Variants in CPNE8 observed in about 807,000 individuals in gnomAD.
CPNE8 encodes the protein copine 8, also known as copine-8.
A neutral mutation model predicts 81.5 loss-of-function variants in CPNE8; 45 were observed. The ratio of observed to expected loss-of-function variants is 0.55; its 90% CI spans 0.44 to 0.71. The LOEUF (loss-of-function observed/expected upper bound fraction) is 0.71, where lower values mean the gene tolerates loss of function less well. Ranked by LOEUF, CPNE8 falls within the 30% of genes least tolerant of loss-of-function variation. CPNE8 has a pLI of 0.00. For synonymous variants in CPNE8, 252 were observed against 226.3 expected (o/e 1.11, Z -1.02); for missense variants, 594 against 672.1 (o/e 0.88, Z 1.28).
chr12:38,763,450 G>A (rs896086560), intron 8 of CPNE8, among the ~76,000 whole-genome samples: 2 of 152,144 alleles, frequency 1.3e-5, no homozygotes, highest in African/African-American at 4.8e-5. Context: ...AGCCCCAAGG[G>A]CCCATTTAAG....
Position 38,670,720 on chromosome 12 carries a change from A to G in CPNE8, c.1506+9T>C, listed in dbSNP as rs754254111. 7 of 1,587,110 alleles carry G rather than the reference A, an allele frequency of 4.4e-6. No homozygotes were observed. Among genetic ancestry groups the G allele is most frequent in the African/African-American group, 1.3e-5 (1 of 74,196 alleles). ...GCAATAGTAAAGTAGGAAAAGGTTT[A>G]TTTCTTACCTGCACAATGTCTCTTT... On this transcript the variant is annotated intron_variant, in intron 19 of 19. Transcript: ENST00000331366.
At chr12:38,750,375 C>T (rs765627585) in intron 10 of CPNE8, among the ~76,000 whole-genome samples, 1 of 152,138 alleles carries the variant, frequency 6.6e-6, no homozygotes, top group Non-Finnish European at 1.5e-5. Context: ...CTCCAGACCC[C>T]AGAATGGTAG....
At chr12:38,826,037 G>A (rs1175685074) in intron 6 of CPNE8, among the ~76,000 whole-genome samples, 1 of 151,960 alleles carries the variant, frequency 6.6e-6, no homozygotes, top group African/African-American at 2.4e-5. Flanking sequence ...AATTCCTAAG[G>A]TTTTGTTTCT....
chr12:38,900,567 A>C (rs1305479183), intron 1 of CPNE8, among the ~76,000 whole-genome samples: 1 of 152,196 alleles, frequency 6.6e-6, no homozygotes, highest in African/African-American at 2.4e-5. Context: ...TTTGGGACTA[A>C]TCCAGTTTAG....
chr12:38,739,047 A>C (rs1242494046), intron 10 of CPNE8, among the ~76,000 whole-genome samples: 2 of 152,104 alleles, frequency 1.3e-5, no homozygotes, highest in Non-Finnish European at 2.9e-5. Context: ...TCCTAGGCTC[A>C]AGAGATCGCC....
intron 6 of CPNE8, among the ~76,000 whole-genome samples, chr12:38,779,710 G>C (rs867650878): frequency 3.9e-5 from 6 of 151,998 alleles, no homozygotes; most frequent in Middle Eastern, 3.2e-3. Context: ...AGTTTTAAAA[G>C]TAAATGTGAA....
intron 13 of CPNE8, among the ~76,000 whole-genome samples, chr12:38,722,674 A>G: frequency 6.6e-6 from 1 of 152,236 alleles, no homozygotes; most frequent in South Asian, 2.1e-4. Flanking sequence ...TTGAAAATAC[A>G]AGGTGAAGGA....
At chr12:38,798,248 C>T (rs895382009) in intron 6 of CPNE8, among the ~76,000 whole-genome samples, 42 of 152,020 alleles carry the variant, frequency 2.8e-4, no homozygotes, top group Non-Finnish European at 5.1e-4. Context: ...ACATAATTGT[C>T]GGATTCACCA....
At chr12:38,834,392 A>T (rs1943348180) in intron 5 of CPNE8, among the ~76,000 whole-genome samples, 1 of 151,998 alleles carries the variant, frequency 6.6e-6, no homozygotes. Flanking sequence ...CCTTCTCCCC[A>T]ATGTACCTCA....
chr12:38,881,333 C>A (rs1944155464), intron 1 of CPNE8, among the ~76,000 whole-genome samples: 1 of 152,096 alleles, frequency 6.6e-6, no homozygotes, highest in South Asian at 2.1e-4. Context: ...ACAAGATTAT[C>A]TGGCTTTCAA....
At chr12:38,863,915 A>G (rs1379144694) in intron 3 of CPNE8, among the ~76,000 whole-genome samples, 4 of 151,896 alleles carry the variant, frequency 2.6e-5, no homozygotes, top group East Asian at 1.9e-4. Context: ...TTAGCCTGGC[A>G]TGGTGGCGGG....
chr12:38,799,850 G>C (rs369428606), intron 6 of CPNE8, among the ~76,000 whole-genome samples: 17 of 150,992 alleles, frequency 1.1e-4, no homozygotes, highest in Non-Finnish European at 1.6e-4. Context: ...CCTGGGAAGC[G>C]CAAGGGGTCA....
At chr12:38,827,546 ATAGC>A (rs1423629691) in intron 6 of CPNE8, among the ~76,000 whole-genome samples, 1 of 152,254 alleles carries the variant, frequency 6.6e-6, no homozygotes, top group East Asian at 1.9e-4. Flanking sequence ...ACTATTCACA[ATAGC>A]AAAGACATGG....
intron 6 of CPNE8, among the ~76,000 whole-genome samples, chr12:38,791,613 C>A (rs911959967): frequency 6.6e-6 from 1 of 151,386 alleles, no homozygotes; most frequent in Non-Finnish European, 1.5e-5. Context: ...AATGTGTTAA[C>A]AAAAGATAAT....
At chr12:38,673,950 A>ATTT (rs1322747284) in intron 18 of CPNE8, among the ~76,000 whole-genome samples, 1 of 152,112 alleles carries the variant, frequency 6.6e-6, no homozygotes, top group African/African-American at 2.4e-5. Context: ...GGAAAAAGTA[A>ATTT]TGGGAATGTG....
chr12:38,805,648 A>T lies in CPNE8; in HGVS notation c.407+23731T>A, dbSNP rs1942779739. On this transcript the variant is annotated intron_variant, in intron 6 of 19. Coordinates refer to ENST00000331366, the MANE Select transcript of CPNE8 (RefSeq NM_153634.3). ...GCACAATGTGCACATGTAACCTAAA[A>T]CTTAGAGTATAATAAAAAAAAAAAA... 6.8e-5 allele frequency among the ~76,000 whole-genome samples: 6 copies of T among 87,732 alleles called. 1 individual carries two copies. The South Asian group carries it at 1.8e-3, about 27-fold the overall frequency. 57.6% of individuals were successfully genotyped at this position (87,732 alleles called of 152,430 possible).
chr12:38,652,630 C>T lies in CPNE8; in HGVS notation c.*1252G>A, dbSNP rs1473075986. 6.6e-6 allele frequency: 1 copy of T among 152,464 alleles called. No individual in the cohort carries two copies. The highest frequency in any genetic ancestry group is 2.4e-5 in the African/African-American group (1 of 41,414). 9.4% of individuals were successfully genotyped at this position (152,464 alleles called of 1,614,324 possible). A position where few individuals can be genotyped will look rare whatever the true frequency, so the allele number is the denominator to read the frequency against. Reference sequence around the variant, plus strand: ...CACACACACAAATAAATACACTTTTCTATTATTTGAAGGCAATTCACAATC... The same window carrying T: ...CACACACACAAATAAATACACTTTTTTATTATTTGAAGGCAATTCACAATC... On this transcript the variant is annotated 3_prime_UTR_variant, in exon 20 of 20. Coordinates refer to ENST00000331366, the MANE Select transcript of CPNE8 (RefSeq NM_153634.3).
chr12:38,894,645 C>T lies in CPNE8; in HGVS notation c.98+10792G>A, dbSNP rs538179265. Among the ~76,000 whole-genome samples, 3 of 145,532 alleles carry T rather than the reference C, an allele frequency of 2.1e-5. No homozygotes were observed. In the South Asian group the frequency reaches 6.7e-4, roughly 32 times the overall value. ...TATCCCTTAGTCTCACGTGCTTGCT[C>T]TCACTCCAGCTCACTCTCTCTCTCT... On this transcript the variant is annotated intron_variant, in intron 1 of 19. Transcript: ENST00000331366.
chr12:38,787,815 C>T (rs1037653500), intron 6 of CPNE8, among the ~76,000 whole-genome samples: 5 of 151,418 alleles, frequency 3.3e-5, no homozygotes, highest in Admixed American at 1.3e-4. Context: ...AACATAAGCA[C>T]CTATATGCCA....
Sources: allele counts gnomAD v4.1 joint callset (sites outside exome capture counted in the v4.1 genomes callset), GRCh38; gene constraint gnomAD v4.1.1; transcripts MANE v1.5; gene names NCBI Gene and HGNC (gene_info 2026-07-23, HGNC 2026-07-21).